Variants in CACNB4 observed in about 807,000 individuals in gnomAD.
CACNB4 encodes calcium voltage-gated channel auxiliary subunit beta 4.
A neutral mutation model predicts 71.2 loss-of-function variants in CACNB4; 32 were observed. The ratio of observed to expected loss-of-function variants is 0.45; its 90% CI spans 0.34 to 0.60. The LOEUF (loss-of-function observed/expected upper bound fraction) is 0.60, where lower values mean the gene tolerates loss of function less well. CACNB4 is among the 20% of genes least tolerant of loss of function. The pLI is 0.01. For synonymous variants in CACNB4, 231 were observed against 236.9 expected, an observed-to-expected ratio of 0.97 and a Z score of 0.23; for missense variants, 464 against 647.9, an observed-to-expected ratio of 0.72 and a Z score of 3.08.
intron 2 of CACNB4, among the ~76,000 whole-genome samples, chr2:152,092,570 GCT>G (rs1333187327): frequency 1.4e-5 from 2 of 144,758 alleles, no homozygotes; most frequent in Non-Finnish European, 3.0e-5. Context: ...CATTCCATAT[GCT>G]CTTTTTTTTT....
chr2:151,915,353 C>T (rs1578775430), intron 2 of CACNB4, among the ~76,000 whole-genome samples: 1 of 152,186 alleles, frequency 6.6e-6, no homozygotes, highest in African/African-American at 2.4e-5. Context: ...ACAGCCTGGA[C>T]GTATAGAAAT....
At chr2:151,945,561 G>A (rs1294965478) in intron 2 of CACNB4, among the ~76,000 whole-genome samples, 1 of 152,108 alleles carries the variant, frequency 6.6e-6, no homozygotes, top group Non-Finnish European at 1.5e-5. Context: ...TGAGGTGGGA[G>A]GATCACCTGG....
At chr2:152,046,451 G>T (rs1374945886) in intron 2 of CACNB4, among the ~76,000 whole-genome samples, 1 of 152,184 alleles carries the variant, frequency 6.6e-6, no homozygotes, top group Non-Finnish European at 1.5e-5. Flanking sequence ...CTTGCCTACA[G>T]CTATGGCTGG....
chr2:151,898,014 A>G (rs77811051), intron 2 of CACNB4, among the ~76,000 whole-genome samples: 1 of 152,184 alleles, frequency 6.6e-6, no homozygotes, highest in Non-Finnish European at 1.5e-5. Context: ...AGTGAGTAGG[A>G]ATTAAATGCT....
intron 2 of CACNB4, among the ~76,000 whole-genome samples, chr2:151,885,359 A>G (rs1016585131): frequency 6.6e-6 from 1 of 152,188 alleles, no homozygotes; most frequent in African/African-American, 2.4e-5. Flanking sequence ...TGGACACTTT[A>G]TCTCACTGAA....
chr2:152,038,727 G>A (rs981648564), intron 2 of CACNB4, among the ~76,000 whole-genome samples: 1 of 152,234 alleles, frequency 6.6e-6, no homozygotes, highest in Admixed American at 6.5e-5. Flanking sequence ...GTGAGATTGG[G>A]AGGAGGGTGA....
chr2:152,003,097 C>T (rs974958811), intron 2 of CACNB4, among the ~76,000 whole-genome samples: 5 of 152,180 alleles, frequency 3.3e-5, no homozygotes, highest in Admixed American at 6.5e-5. Flanking sequence ...CATTTTCTTC[C>T]TGTAATTTAA....
intron 2 of CACNB4, among the ~76,000 whole-genome samples, chr2:151,997,009 G>C (rs771716926): frequency 5.3e-5 from 8 of 152,154 alleles, no homozygotes; most frequent in Non-Finnish European, 8.8e-5. Flanking sequence ...GGGTATAAGG[G>C]CCAAGGGGTT....
intron 4 of CACNB4, among the ~76,000 whole-genome samples, chr2:151,877,137 T>C (rs1213643533): frequency 2.0e-5 from 3 of 149,386 alleles, no homozygotes; most frequent in Non-Finnish European, 4.4e-5. Context: ...ATACTATATA[T>C]ATATATATCT....
chr2:151,975,590 C>T (rs547840178), intron 2 of CACNB4, among the ~76,000 whole-genome samples: 4 of 152,294 alleles, frequency 2.6e-5, no homozygotes, highest in African/African-American at 9.6e-5. Flanking sequence ...CCAGTGCTGG[C>T]TCTACCTGTC....
chr2:151,859,468 G>T (rs1446094810), intron 10 of CACNB4: 1 of 152,198 alleles, frequency 6.6e-6, no homozygotes, highest in Non-Finnish European at 1.5e-5. Context: ...GCAGAGAATT[G>T]ATGTTTGTTT....
intron 2 of CACNB4, among the ~76,000 whole-genome samples, chr2:151,903,620 T>C (rs2099854025): frequency 6.6e-6 from 1 of 152,220 alleles, no homozygotes; most frequent in Admixed American, 6.5e-5. Context: ...CCATCTTTTA[T>C]CTTTCTCCTC....
rs552281027 is a variant in CACNB4, at chr2:151,837,412, T to G, written c.*1707A>C. On this transcript the variant is annotated 3_prime_UTR_variant, in exon 14 of 14. Coordinates refer to ENST00000539935, the MANE Select transcript of CACNB4 (RefSeq NM_000726.5). ...AACTCATCAGTAATGTGGAACTTAT[T>G]TCCATGGTCAAGAAGATTACTGAAC... 6.6e-5 allele frequency: 10 copies of G among 152,024 alleles called. No individual in the cohort carries two copies. Among genetic ancestry groups the G allele is most frequent in the Non-Finnish European group, 1.3e-4 (9 of 67,934 alleles). The allele number at this position is 152,024 out of a possible 1,614,324, so 9.4% of individuals were successfully genotyped here. A position where few individuals can be genotyped will look rare whatever the true frequency, so the allele number is the denominator to read the frequency against.
chr2:151,932,446 A>G (rs1317269348), intron 2 of CACNB4, among the ~76,000 whole-genome samples: 1 of 152,150 alleles, frequency 6.6e-6, no homozygotes, highest in African/African-American at 2.4e-5. Context: ...GGTTATAGAC[A>G]ATGCTAGAGA....
rs974783128 is a variant in CACNB4, at chr2:152,038,323, C to T, written c.147+60007G>A. ...GAACCACGCAACAGCCCTCCCCGGCCTTTTCCAAGTTCTGCTGCTTGCCTT... is the reference window on the plus strand; with the variant it reads ...GAACCACGCAACAGCCCTCCCCGGCTTTTTCCAAGTTCTGCTGCTTGCCTT... On this transcript the variant is annotated intron_variant, in intron 2 of 13. Coordinates refer to ENST00000539935, the MANE Select transcript of CACNB4 (RefSeq NM_000726.5). Among the ~76,000 whole-genome samples, 5 of 152,322 alleles carry T rather than the reference C, an allele frequency of 3.3e-5. No homozygotes were observed. The East Asian group carries it at 9.6e-4, about 29-fold the overall frequency.
Position 152,028,399 on chromosome 2 carries a change from C to A in CACNB4, c.147+69931G>T, listed in dbSNP as rs188337803. Among the ~76,000 whole-genome samples, 7 of 152,270 alleles carry A rather than the reference C, an allele frequency of 4.6e-5. No homozygotes were observed. In the East Asian group the frequency reaches 1.4e-3, roughly 29 times the overall value. On this transcript the variant is annotated intron_variant, in intron 2 of 13. Transcript: ENST00000539935. The stretch of plus-strand genomic sequence containing the variant: ...CCGAATGAGTCAACATGAATTCTCC[C>A]GACACCCACTGATACCTTCGTGTGT...
At chr2:151,930,423 G>C (rs2099861348) in intron 2 of CACNB4, among the ~76,000 whole-genome samples, 1 of 152,162 alleles carries the variant, frequency 6.6e-6, no homozygotes. Context: ...GATATGGGGA[G>C]TATTAAAGCA....
intron 2 of CACNB4, among the ~76,000 whole-genome samples, chr2:151,902,823 T>A (rs1254864153): frequency 1.3e-5 from 2 of 152,174 alleles, no homozygotes; most frequent in African/African-American, 2.4e-5. Flanking sequence ...CTAGTTTTCA[T>A]CAAATTGTAC....
chr2:151,895,401 G>A (rs894039968), intron 2 of CACNB4, among the ~76,000 whole-genome samples: 1 of 151,806 alleles, frequency 6.6e-6, no homozygotes, highest in African/African-American at 2.4e-5. Flanking sequence ...CAGGAGCATG[G>A]CACAGACCTC....
Sources: allele counts gnomAD v4.1 joint callset (sites outside exome capture counted in the v4.1 genomes callset), GRCh38; gene constraint gnomAD v4.1.1; transcripts MANE v1.5; gene names NCBI Gene and HGNC (gene_info 2026-07-23, HGNC 2026-07-21).